The following CPLANE1 variants were observed in gnomAD, a reference collection of about 807,000 sequenced individuals.
CPLANE1 encodes ciliogenesis and planar polarity effector complex subunit 1.
A neutral mutation model predicts 362.5 loss-of-function variants in CPLANE1; 263 were observed. The ratio of observed to expected loss-of-function variants is 0.73; its 90% CI spans 0.66 to 0.80. The LOEUF (loss-of-function observed/expected upper bound fraction) is 0.80. Among genes scored for constraint, CPLANE1 ranks in the 30% least tolerant of loss-of-function variants. The pLI, the probability that CPLANE1 is intolerant of heterozygous loss-of-function variation, is 0.00. For missense variants in CPLANE1, 3,461 were observed against 3,793.4 expected (o/e 0.91, Z 2.30); for synonymous variants, 1,212 against 1,302.6 (o/e 0.93, Z 1.50).
intron 12 of CPLANE1, among the ~76,000 whole-genome samples, chr5:37,225,923 C>T (rs1191269621): frequency 6.8e-6 from 1 of 147,858 alleles, no homozygotes; most frequent in Non-Finnish European, 1.5e-5. Flanking sequence ...CTTTCAAGAT[C>T]ATGGTTTTCC....
At chr5:37,157,498 C>A in intron 40 of CPLANE1, 78 bp from the exon 41 acceptor site, 1 of 1,180,334 alleles carries the variant, frequency 8.5e-7, no homozygotes, top group Non-Finnish European at 1.2e-6. Flanking sequence ...AAGACTGATT[C>A]TAAACTTCTA....
chr5:37,137,890 C>G (rs1245960912), intron 46 of CPLANE1, among the ~76,000 whole-genome samples: 1 of 151,860 alleles, frequency 6.6e-6, no homozygotes, highest in Non-Finnish European at 1.5e-5. Context: ...GGGGACACAG[C>G]CAAACCATAT....
chr5:37,221,293 A>G lies in CPLANE1; in HGVS notation c.2746+31T>C, dbSNP rs1385349408. 4 of 1,421,778 alleles carry G rather than the reference A, an allele frequency of 2.8e-6. No individual in the cohort carries two copies. In the East Asian group the frequency reaches 1.0e-4, roughly 37 times the overall value. The allele number at this position is 1,421,778 out of a possible 1,614,324, so 88.1% of individuals were successfully genotyped here. A position where few individuals can be genotyped will look rare whatever the true frequency, so the allele number is the denominator to read the frequency against. ...CATAGGGAGACCCTGTCTCTTTTTAAAAATACAAAGAAAGAAAAAAAAAAG... is the reference window on the plus strand; with the variant it reads ...CATAGGGAGACCCTGTCTCTTTTTAGAAATACAAAGAAAGAAAAAAAAAAG... On this transcript the variant is annotated intron_variant, in intron 15 of 52. Coordinates refer to ENST00000651892, the MANE Select transcript of CPLANE1 (RefSeq NM_001384732.1).
chr5:37,125,359 C>T lies in CPLANE1; in HGVS notation c.8843G>A (p.Arg2948Lys). The change falls in exon 47 of 53, where the codon AGA becomes AAA. Residue 2948 changes from arginine (R) to lysine (K), a missense_variant. Arg to Lys is a conservative substitution (Grantham distance 26). Coordinates refer to ENST00000651892, the MANE Select transcript of CPLANE1 (RefSeq NM_001384732.1). ...RHSQRTDKER[R>K]EIQAWMKRKR... Reference sequence around the variant, plus strand: ...TCTTTTCATCCAGGCTTGAATCTCTCTTCTTTCCTTGTCAGTTCTTTGTGA... The same window carrying T: ...TCTTTTCATCCAGGCTTGAATCTCTTTTCTTTCCTTGTCAGTTCTTTGTGA... 6.2e-7 allele frequency: 1 copy of T among 1,613,852 alleles called. No individual in the cohort carries two copies. The highest frequency in any genetic ancestry group is 1.1e-5 in the South Asian group (1 of 91,062).
intron 42 of CPLANE1, among the ~76,000 whole-genome samples, chr5:37,150,984 C>T (rs904426360): frequency 3.3e-5 from 5 of 152,190 alleles, no homozygotes; most frequent in Non-Finnish European, 7.3e-5. Context: ...TTCCAATCTA[C>T]CTTCCACACT....
At chr5:37,211,361 A>C in intron 16 of CPLANE1, 1 of 1,517,272 alleles carries the variant, frequency 6.6e-7, no homozygotes, top group Non-Finnish European at 8.8e-7. Flanking sequence ...GCCCACTACC[A>C]GCAAAGAGCC....
chr5:37,224,771 C>T (rs1580874945), intron 12 of CPLANE1, 31 bp from the exon 13 acceptor site: 2 of 1,463,328 alleles, frequency 1.4e-6, no homozygotes. Context: ...TTATCAAAAG[C>T]AAATTTCAGG....
chr5:37,101,757 T>A (rs150667203), downstream of CPLANE1, among the ~76,000 whole-genome samples: 356 of 152,294 alleles, frequency 2.3e-3, 2 homozygotes, highest in Non-Finnish European at 4.3e-3. Flanking sequence ...GGAGGCTATT[T>A]GTAAGTGACT....
intron 15 of CPLANE1, among the ~76,000 whole-genome samples, chr5:37,218,399 G>A (rs1366853545): frequency 6.6e-6 from 1 of 152,130 alleles, no homozygotes; most frequent in East Asian, 1.9e-4. Context: ...GGAAACTAGG[G>A]ACATCCTGTG....
In CPLANE1 at chr5:37,227,750, T is replaced by C. The variant is rs1008133189; in HGVS notation, c.1189A>G (p.Met397Val). Residue 397 changes from methionine (M) to valine (V), a missense_variant, in exon 10 of 53, where the codon ATG (methionine) becomes GTG (valine). Transcript: ENST00000651892. Reference sequence around the variant, plus strand: ...GCTTTTATAGAAAATCTCTGTCTCATAGGGTCACTATCAGAAGCTGATGAA... The same window carrying C: ...GCTTTTATAGAAAATCTCTGTCTCACAGGGTCACTATCAGAAGCTGATGAA... ...VDSSASDSDP[M>V]RQRFSIKAHS... 9.0e-6 allele frequency: 14 copies of C among 1,551,352 alleles called. No individual in the cohort carries two copies. Among genetic ancestry groups the C allele is most frequent in the South Asian group, 3.6e-5 (3 of 84,052 alleles).
chr5:37,226,018 C>T (rs1177299278), intron 12 of CPLANE1, among the ~76,000 whole-genome samples: 3 of 151,782 alleles, frequency 2.0e-5, no homozygotes, highest in Admixed American at 6.6e-5. Flanking sequence ...ACATTTATCA[C>T]GTATAACATG....
the CPLANE1 span, among the ~76,000 whole-genome samples, chr5:37,083,880 C>T: frequency 6.6e-6 from 1 of 152,106 alleles, no homozygotes; most frequent in Non-Finnish European, 1.5e-5. Context: ...AGGAAAATTT[C>T]CCTGGCCTTT....
chr5:37,227,013 A>C lies in CPLANE1; in HGVS notation c.1582T>G (p.Trp528Gly). ...CACAGCACATCATCTCTTTTGTTCC[A>C]AAAAGGACATAAGTTGTCTGGAAAG... ...RHFPDNLCPF[W>G]NKRDDVLCSS... is the part of the protein sequence containing the mutation. Residue 528 changes from tryptophan (W) to glycine (G), a missense_variant, in exon 12 of 53, where the codon TGG becomes GGG. By Grantham distance (184) the Trp-to-Gly change is radical. Around this residue, in one of 2 missense-constraint regions of CPLANE1, gnomAD observed 3,380 missense variants for 3,666.1 expected, o/e 0.92. Transcript: ENST00000651892. The C allele has an allele frequency of 5.8e-6, 9 of 1,549,896 alleles. No individual in the cohort carries two copies. Among genetic ancestry groups the C allele is most frequent in the Non-Finnish European group, 7.0e-6 (8 of 1,146,550 alleles).
chr5:37,180,854 T>C lies in CPLANE1; in HGVS notation c.5570+3A>G. 6.2e-7 allele frequency: 1 copy of C among 1,613,660 alleles called. No homozygotes were observed. Among genetic ancestry groups the C allele is most frequent in the Non-Finnish European group, 8.5e-7 (1 of 1,179,716 alleles). ...GAAAAGAAGAGTATAATCGGCAACTTACTTCAAGATATTTTGACAAGATTT... is the reference window on the plus strand; with the variant it reads ...GAAAAGAAGAGTATAATCGGCAACTCACTTCAAGATATTTTGACAAGATTT... On this transcript the variant is annotated splice_donor_region_variant and intron_variant, in intron 27 of 52. Coordinates refer to ENST00000651892, the MANE Select transcript of CPLANE1 (RefSeq NM_001384732.1).
At chr5:37,091,333 A>G in the CPLANE1 span, among the ~76,000 whole-genome samples, 1 of 152,198 alleles carries the variant, frequency 6.6e-6, no homozygotes, top group African/African-American at 2.4e-5. Flanking sequence ...TAACTTTTGC[A>G]TTTATGGGGC....
At chr5:37,127,579 C>T (rs1364759728) in intron 46 of CPLANE1, among the ~76,000 whole-genome samples, 1 of 141,348 alleles carries the variant, frequency 7.1e-6, no homozygotes, top group Non-Finnish European at 1.5e-5. Flanking sequence ...AGTGTAATGG[C>T]ACGATCTTGG....
chr5:37,230,261 T>C (rs1016681299), intron 9 of CPLANE1, among the ~76,000 whole-genome samples: 15 of 148,510 alleles, frequency 1.0e-4, no homozygotes, highest in African/African-American at 3.7e-4. Context: ...GTCATACAAC[T>C]AATAAGTAAA....
intron 31 of CPLANE1, among the ~76,000 whole-genome samples, chr5:37,175,493 A>C (rs1443456886): frequency 1.3e-5 from 2 of 152,190 alleles, no homozygotes; most frequent in Admixed American, 6.5e-5. Flanking sequence ...GCTGTGCTAT[A>C]TTTTCCTATT....
At position 37,112,397 on chromosome 5, in the gene CPLANE1, TATA is replaced by T. The variant is rs565542081; in HGVS notation, c.9400+2560_9400+2562del. The stretch of plus-strand genomic sequence containing the variant: ...TGGGATATCCAATTTGAGATAAAAA[TATA>T]ATGAGAAAAGTTCTGTGAAACTGAG... On this transcript the variant is annotated intron_variant, in intron 51 of 52. Transcript: ENST00000651892. 1.1e-3 allele frequency among the ~76,000 whole-genome samples: 163 copies of T among 152,292 alleles called. 4 individuals carry two copies. Among genetic ancestry groups the T allele is most frequent in the East Asian group, 8.1e-3 (42 of 5,178 alleles).
Sources: allele counts gnomAD v4.1 joint callset (sites outside exome capture counted in the v4.1 genomes callset), GRCh38; gene constraint gnomAD v4.1.1; regional missense constraint gnomAD v4.1.1; transcripts MANE v1.5; gene names NCBI Gene and HGNC (gene_info 2026-07-23, HGNC 2026-07-21).